The following MAML3 variants were observed in gnomAD, a reference collection of about 807,000 sequenced individuals.
MAML3 encodes mastermind-like protein 3.
A neutral mutation model predicts 101.9 loss-of-function variants in MAML3; 27 were observed. The observed-to-expected ratio is 0.27, with a 90% CI of 0.20 to 0.37. The LOEUF (loss-of-function observed/expected upper bound fraction) is 0.37, where lower values mean the gene tolerates loss of function less well. MAML3 is among the 10% of genes least tolerant of loss of function. MAML3 has a pLI of 1.00. For missense variants in MAML3, 1,316 were observed against 1,444.9 expected, an observed-to-expected ratio of 0.91 and a Z score of 1.45; for synonymous variants, 501 against 555.9, an observed-to-expected ratio of 0.90 and a Z score of 1.39.
intron 1 of MAML3, among the ~76,000 whole-genome samples, chr4:140,037,860 C>G (rs772562245): frequency 2.6e-5 from 4 of 152,096 alleles, no homozygotes; most frequent in Non-Finnish European, 4.4e-5. Context: ...CCCTTTGTCT[C>G]GAGCTACACT....
At chr4:140,106,872 G>A (rs182051854) in intron 1 of MAML3, among the ~76,000 whole-genome samples, 102 of 152,260 alleles carry the variant, frequency 6.7e-4, no homozygotes, top group Non-Finnish European at 1.1e-3. Flanking sequence ...GAGTGGTGGT[G>A]TTTGTTTGTT....
chr4:140,093,935 A>T lies in MAML3; in HGVS notation c.468+58925T>A, dbSNP rs139971231. The stretch of plus-strand genomic sequence containing the variant: ...GTTGTCCTGCTCACTGTGCAGCATG[A>T]TCCCCCTGACATTCCATCCTTTGGA... On this transcript the variant is annotated intron_variant, in intron 1 of 4. Coordinates refer to ENST00000509479, the MANE Select transcript of MAML3 (RefSeq NM_018717.5). 4.4e-4 allele frequency among the ~76,000 whole-genome samples: 67 copies of T among 152,224 alleles called. No individual in the cohort carries two copies. In the East Asian group the frequency reaches 0.012, roughly 28 times the overall value.
At chr4:139,964,389 T>C (rs750000291) in intron 1 of MAML3, among the ~76,000 whole-genome samples, 3 of 151,656 alleles carry the variant, frequency 2.0e-5, no homozygotes, top group Non-Finnish European at 4.4e-5. Flanking sequence ...AGTTGAACAA[T>C]GAGAACACAT....
rs76001695 is a variant in MAML3 at position 140,070,729 on chromosome 4, G to A, written c.468+82131C>T. ...GCCTTCAGATGAGCCACTTCAGAAG[G>A]TAGGACTCCTACCTAAGGCAACTTC... On this transcript the variant is annotated intron_variant, in intron 1 of 4. Transcript: ENST00000509479. Among the ~76,000 whole-genome samples, 879 of 152,318 alleles carry A rather than the reference G, an allele frequency of 5.8e-3. 9 individuals carry two copies. The highest frequency in any genetic ancestry group is 0.02 in the African/African-American group (831 of 41,558).
intron 3 of MAML3, 104 bp downstream of exon 3, chr4:139,730,312 A>G: frequency 1.0e-6 from 1 of 996,280 alleles, no homozygotes; most frequent in Non-Finnish European, 1.5e-6. Flanking sequence ...GACCGTGAGC[A>G]TCTTGATGGA....
intron 1 of MAML3, among the ~76,000 whole-genome samples, chr4:140,044,936 CCTT>C (rs1000632608): frequency 1.3e-4 from 19 of 151,926 alleles, no homozygotes; most frequent in African/African-American, 4.6e-4. Flanking sequence ...TTACATATCT[CCTT>C]ATGTGCAACA....
chr4:139,781,909 T>C (rs1472931083), intron 2 of MAML3, among the ~76,000 whole-genome samples: 2 of 152,164 alleles, frequency 1.3e-5, no homozygotes, highest in Non-Finnish European at 2.9e-5. Flanking sequence ...TCTGTGTTCT[T>C]TGATAGAATA....
At chr4:140,101,094 T>C (rs1728245134) in intron 1 of MAML3, among the ~76,000 whole-genome samples, 1 of 152,094 alleles carries the variant, frequency 6.6e-6, no homozygotes, top group Non-Finnish European at 1.5e-5. Flanking sequence ...AGAGCAGCCA[T>C]TGACTGACTA....
intron 2 of MAML3, among the ~76,000 whole-genome samples, chr4:139,817,099 T>C (rs912746761): frequency 6.6e-6 from 1 of 152,150 alleles, no homozygotes; most frequent in African/African-American, 2.4e-5. Flanking sequence ...CCTTCAATGG[T>C]GATCCAACAC....
At chr4:139,802,290 G>A (rs1730623443) in intron 2 of MAML3, among the ~76,000 whole-genome samples, 1 of 152,134 alleles carries the variant, frequency 6.6e-6, no homozygotes, top group African/African-American at 2.4e-5. Context: ...CTTCCAACGT[G>A]CACCTCTCCC....
At chr4:139,734,693 T>C (rs954187478) in intron 2 of MAML3, among the ~76,000 whole-genome samples, 1 of 152,224 alleles carries the variant, frequency 6.6e-6, no homozygotes, top group Non-Finnish European at 1.5e-5. Flanking sequence ...GGTAAAAATA[T>C]CTCCCAAGAA....
chr4:139,846,161 T>C (rs1487669239), intron 2 of MAML3, among the ~76,000 whole-genome samples: 2 of 152,174 alleles, frequency 1.3e-5, no homozygotes, highest in East Asian at 3.8e-4. Context: ...TACCTACAGA[T>C]TGCCAGAAGC....
At chr4:139,740,661 T>A (rs1729135400) in intron 2 of MAML3, 1 of 152,170 alleles carries the variant, frequency 6.6e-6, no homozygotes, top group South Asian at 2.1e-4. Context: ...TATCTTGTGT[T>A]ATACTGGGAG....
chr4:139,931,983 C>T (rs137881066), intron 1 of MAML3, among the ~76,000 whole-genome samples: 2 of 152,126 alleles, frequency 1.3e-5, no homozygotes, highest in African/African-American at 4.8e-5. Context: ...GGTGCCACTG[C>T]ACTCCAGCCT....
intron 1 of MAML3, among the ~76,000 whole-genome samples, chr4:140,129,292 C>G (rs968877750): frequency 6.6e-6 from 1 of 152,110 alleles, no homozygotes; most frequent in African/African-American, 2.4e-5. Flanking sequence ...GTGGACCCCA[C>G]GTAGATGCTA....
chr4:140,148,900 A>C (rs1729107864), intron 1 of MAML3, among the ~76,000 whole-genome samples: 1 of 152,242 alleles, frequency 6.6e-6, no homozygotes. Context: ...ATATAAATTA[A>C]GCACACTCTG....
At position 139,961,467 on chromosome 4, in the gene MAML3, C is replaced by A. The variant is rs1246663776; in HGVS notation, c.469-70500G>T. 1.3e-5 allele frequency among the ~76,000 whole-genome samples: 2 copies of A among 152,264 alleles called. 1 individual carries two copies. Among genetic ancestry groups the A allele is most frequent in the South Asian group, 4.1e-4 (2 of 4,824 alleles). ...GGAGTCGAAACAGAATGGGGGAGGA[C>A]CCAGTCAATTCCATCATCCTGGCAA... is the stretch of plus-strand genomic sequence containing the variant. On this transcript the variant is annotated intron_variant, in intron 1 of 4. Coordinates refer to ENST00000509479, the MANE Select transcript of MAML3 (RefSeq NM_018717.5).
chr4:139,911,245 TC>T (rs1319784257), intron 1 of MAML3, among the ~76,000 whole-genome samples: 1 of 150,550 alleles, frequency 6.6e-6, no homozygotes, highest in Non-Finnish European at 1.5e-5. Context: ...TGCGATGGAG[TC>T]TTGCTCTGTT....
chr4:139,890,705 C>T lies in MAML3; in HGVS notation c.731G>A (p.Ser244Asn). The change falls in exon 2 of 5, where the codon AGT becomes AAT. Residue 244 changes from serine (S) to asparagine (N), a missense_variant. Physicochemically the swap from Ser to Asn is conservative, Grantham distance 46. Transcript: ENST00000509479. This position sits in a 1 kb window ranked among gnomAD's most constrained non-coding sequence, Gnocchi z 4.1. ...AATCTCAGGGAGCCTACCATTCTTACTTAGATCTTCTAGAAGCCCAGGAGT... is the reference window on the plus strand; with the variant it reads ...AATCTCAGGGAGCCTACCATTCTTATTTAGATCTTCTAGAAGCCCAGGAGT... ...THTPGLLEDL[S>N]KNGRLPEIKL... The T allele has an allele frequency of 6.2e-7, 1 of 1,614,032 alleles. No homozygotes were observed.
Sources: allele counts gnomAD v4.1 joint callset (sites outside exome capture counted in the v4.1 genomes callset), GRCh38; gene constraint gnomAD v4.1.1; non-coding constraint Gnocchi (gnomAD v3.1); transcripts MANE v1.5; gene names NCBI Gene and HGNC (gene_info 2026-07-23, HGNC 2026-07-21).